Variants in TCF7L2 observed in about 807,000 individuals in gnomAD.
The protein encoded by TCF7L2 is transcription factor 7-like 2.
In TCF7L2, 23 loss-of-function variants were observed where a neutral mutation model predicts 77.9. The observed-to-expected ratio is 0.30, with a 90% CI of 0.21 to 0.42. The LOEUF (loss-of-function observed/expected upper bound fraction) is 0.42. Among genes scored for constraint, TCF7L2 ranks in the 10% least tolerant of loss-of-function variants. The pLI is 1.00. For synonymous variants in TCF7L2, 413 were observed against 340.2 expected, an observed-to-expected ratio of 1.21 and a Z score of -2.36; for missense variants, 654 against 793.1, an observed-to-expected ratio of 0.82 and a Z score of 2.11.
chr10:112,974,984 C>CCT (rs2039108471), intron 4 of TCF7L2, among the ~76,000 whole-genome samples: 1 of 147,228 alleles, frequency 6.8e-6, no homozygotes, highest in Non-Finnish European at 1.5e-5. Context: ...TTTTCTTTTT[C>CCT]TTTTTTTTTT....
intron 5 of TCF7L2, among the ~76,000 whole-genome samples, chr10:113,076,299 G>C (rs528246616): frequency 6.6e-5 from 10 of 152,210 alleles, no homozygotes; most frequent in Admixed American, 2.6e-4. Context: ...TACCATGCCT[G>C]GCTAACTTTT....
intron 5 of TCF7L2, among the ~76,000 whole-genome samples, chr10:113,115,847 GCCT>G (rs1366729743): frequency 6.6e-6 from 1 of 151,976 alleles, no homozygotes; most frequent in Non-Finnish European, 1.5e-5. Context: ...GTCTCTGCTT[GCCT>G]CCTCTAATTC....
At chr10:113,022,168 G>A (rs1212768055) in intron 4 of TCF7L2, among the ~76,000 whole-genome samples, 4 of 152,122 alleles carry the variant, frequency 2.6e-5, no homozygotes, top group African/African-American at 7.2e-5. Flanking sequence ...TGATGATTTC[G>A]TGTGGTTTCT....
intron 5 of TCF7L2, among the ~76,000 whole-genome samples, chr10:113,111,408 C>A (rs2063113660): frequency 6.6e-6 from 1 of 152,182 alleles, no homozygotes; most frequent in Non-Finnish European, 1.5e-5. Flanking sequence ...AATGAATCTC[C>A]AAGTGCACCT....
At chr10:113,113,280 G>A (rs80150262) in intron 5 of TCF7L2, among the ~76,000 whole-genome samples, 8,337 of 152,232 alleles carry the variant, frequency 0.055, 348 homozygotes, top group Non-Finnish European at 0.082. Flanking sequence ...ACAAACACCC[G>A]TAAGCAGGTG....
At chr10:113,145,227 G>A (rs2069142936) in intron 7 of TCF7L2, among the ~76,000 whole-genome samples, 1 of 151,980 alleles carries the variant, frequency 6.6e-6, no homozygotes, top group Non-Finnish European at 1.5e-5. Flanking sequence ...TGGGACGGTA[G>A]ACATGAACAT....
chr10:112,952,273 C>G (rs901678377), intron 3 of TCF7L2, among the ~76,000 whole-genome samples: 7 of 152,206 alleles, frequency 4.6e-5, no homozygotes, highest in Non-Finnish European at 1.0e-4. Flanking sequence ...GGCCCTCCTT[C>G]CCCCTTCCCC....
At chr10:113,075,466 A>AAAAG (rs112042400) in intron 5 of TCF7L2, among the ~76,000 whole-genome samples, 23 of 150,650 alleles carry the variant, frequency 1.5e-4, no homozygotes, top group Middle Eastern at 3.4e-3. Context: ...TGTCCAAAAA[A>AAAAG]AAAAGAAAAA....
At chr10:113,127,287 C>G (rs1440651116) in intron 5 of TCF7L2, among the ~76,000 whole-genome samples, 1 of 150,772 alleles carries the variant, frequency 6.6e-6, no homozygotes, top group African/African-American at 2.4e-5. Context: ...CACCAATGCT[C>G]CACCCTCCTC....
At chr10:112,963,633 A>T (rs2035844062) in intron 3 of TCF7L2, among the ~76,000 whole-genome samples, 1 of 152,240 alleles carries the variant, frequency 6.6e-6, no homozygotes, top group Non-Finnish European at 1.5e-5. Context: ...TATTGTTTAT[A>T]AAGTAAATCA....
chr10:113,155,628 A>G (rs2071708311), intron 11 of TCF7L2, among the ~76,000 whole-genome samples: 3 of 152,216 alleles, frequency 2.0e-5, no homozygotes. Flanking sequence ...TATTGCAAGG[A>G]ATTGGAAACG....
At chr10:113,069,233 CTTT>C (rs542054630) in intron 5 of TCF7L2, among the ~76,000 whole-genome samples, 5 of 139,394 alleles carry the variant, frequency 3.6e-5, no homozygotes, top group Admixed American at 7.2e-5. Flanking sequence ...AACTCATATT[CTTT>C]TTTTTTTTTT....
intron 5 of TCF7L2, among the ~76,000 whole-genome samples, chr10:113,100,774 A>G (rs1261868820): frequency 6.6e-6 from 1 of 152,232 alleles, no homozygotes; most frequent in Non-Finnish European, 1.5e-5. Context: ...TCAAGTTAGC[A>G]AAAAGAAATT....
rs1468210282 is a variant in TCF7L2, at chr10:113,151,692, T to C, written c.1002-33T>C. 2 of 1,557,994 alleles carry C rather than the reference T, an allele frequency of 1.3e-6. No individual in the cohort carries two copies. Among genetic ancestry groups the C allele is most frequent in the Non-Finnish European group, 1.7e-6 (2 of 1,159,926 alleles). Reference sequence around the variant, plus strand: ...GGAGGAAGTTGGACCACGACCTTGTTTATTGGGTTGCGTCTGTTTTGTCTA... The same window carrying C: ...GGAGGAAGTTGGACCACGACCTTGTCTATTGGGTTGCGTCTGTTTTGTCTA... On this transcript the variant is annotated intron_variant, in intron 9 of 13. Transcript: ENST00000627217. The surrounding 1 kb of genome is among the most constrained non-coding windows in gnomAD (Gnocchi z 5.2).
At chr10:113,074,091 C>T (rs3750804) in intron 5 of TCF7L2, among the ~76,000 whole-genome samples, 33,240 of 152,108 alleles carry the variant, frequency 0.22, 4,210 homozygotes, top group South Asian at 0.31. Context: ...CTGACTAACA[C>T]ACCAAAGGTC....
rs1262708835 is a variant in TCF7L2, at chr10:113,166,485, A to G, written c.*513A>G. The G allele has an allele frequency of 1.7e-5, 3 of 175,890 alleles. No individual in the cohort carries two copies. In the East Asian group the frequency reaches 2.6e-4, roughly 15 times the overall value. 10.9% of individuals were successfully genotyped at this position (175,890 alleles called of 1,614,324 possible). ...TTTTTTTCTGTGTGAAACAACTCTT[A>G]TTGTGATGTTACTTGTTATTGTTTA... On this transcript the variant is annotated 3_prime_UTR_variant, in exon 14 of 14. Transcript: ENST00000627217.
chr10:113,076,258 C>T (rs1405025661), intron 5 of TCF7L2, among the ~76,000 whole-genome samples: 2 of 152,132 alleles, frequency 1.3e-5, no homozygotes, highest in East Asian at 1.9e-4. Context: ...CAGCATCAGC[C>T]TCCTGAGCAG....
intron 5 of TCF7L2, among the ~76,000 whole-genome samples, chr10:113,107,079 C>T (rs1477617587): frequency 1.3e-5 from 2 of 152,190 alleles, no homozygotes; most frequent in African/African-American, 4.8e-5. Context: ...AAGCCGGTGC[C>T]CTGGGTTGAG....
At chr10:113,067,343 G>A (rs909216345) in intron 5 of TCF7L2, among the ~76,000 whole-genome samples, 2 of 152,194 alleles carry the variant, frequency 1.3e-5, no homozygotes, top group African/African-American at 4.8e-5. Flanking sequence ...TCAACCCAAA[G>A]TCAATTTTCA....
Sources: allele counts gnomAD v4.1 joint callset (sites outside exome capture counted in the v4.1 genomes callset), GRCh38; gene constraint gnomAD v4.1.1; non-coding constraint Gnocchi (gnomAD v3.1); transcripts MANE v1.5; gene names NCBI Gene and HGNC (gene_info 2026-07-23, HGNC 2026-07-21).